The following PCDHGB2 variants were observed in gnomAD, a reference collection of about 807,000 sequenced individuals.
PCDHGB2 encodes the protein protocadherin gamma-B2.
PCDHGB2 carries 55 observed loss-of-function variants against 59.3 expected under a neutral mutation model. The observed-to-expected ratio is 0.93, with a 90% CI of 0.75 to 1.16. The LOEUF (loss-of-function observed/expected upper bound fraction) is 1.16. PCDHGB2 is among the 50% of genes most tolerant of loss of function. The probability of loss-of-function intolerance (pLI) is 0.00; values close to 1 mark genes in which losing one functional copy is unlikely to be tolerated. For missense variants in PCDHGB2, 1,228 were observed against 1,198.5 expected (o/e 1.02, Z -0.36); for synonymous variants, 516 against 512.0 (o/e 1.01, Z -0.11).
rs1427052612 is a variant in PCDHGB2 at position 141,493,002 on chromosome 5, A to G, written c.2422-1805A>G. Among the ~76,000 whole-genome samples, 4 of 152,246 alleles carry G rather than the reference A, an allele frequency of 2.6e-5. No individual in the cohort carries two copies. The highest frequency in any genetic ancestry group is 2.1e-4 in the South Asian group (1 of 4,832). On this transcript the variant is annotated intron_variant, in intron 1 of 3. Transcript: ENST00000522605. This position sits in a 1 kb window ranked among gnomAD's most constrained non-coding sequence, Gnocchi z 4.3. ...TCTCCTCTGGCAGATGGAAAGCTAT[A>G]GGCTCTGCCAGATGCCAGGGTGCCC... is the stretch of plus-strand genomic sequence containing the variant.
chr5:141,482,429 A>G (rs955366858), intron 1 of PCDHGB2, among the ~76,000 whole-genome samples: 1 of 151,366 alleles, frequency 6.6e-6, no homozygotes, highest in African/African-American at 2.4e-5. Flanking sequence ...AAAAATGATA[A>G]TACTGATATT....
intron 1 of PCDHGB2, chr5:141,441,743 C>G (rs1298220876): frequency 2.7e-6 from 1 of 367,284 alleles, no homozygotes; most frequent in Non-Finnish European, 5.4e-6. Flanking sequence ...AGCTCGCGCT[C>G]GGCGTCAACG....
chr5:141,494,194 G>A (rs1446357035), intron 1 of PCDHGB2, among the ~76,000 whole-genome samples: 2 of 152,182 alleles, frequency 1.3e-5, no homozygotes, highest in Non-Finnish European at 2.9e-5. Flanking sequence ...GGACTTGGAT[G>A]CCCCGCAAAG....
chr5:141,423,323 C>A (rs200492485), intron 1 of PCDHGB2: 91 of 1,614,146 alleles, frequency 5.6e-5, no homozygotes, highest in Non-Finnish European at 4.2e-6. Flanking sequence ...GTGGCGGTGG[C>A]CGCAGTCTCC....
chr5:141,441,179 C>G (rs150511376), intron 1 of PCDHGB2: 13 of 152,210 alleles, frequency 8.5e-5, no homozygotes, highest in South Asian at 2.1e-4. Context: ...ACTTCTAATT[C>G]CACAATGATT....
At chr5:141,385,880 A>G (rs192436155) in intron 1 of PCDHGB2, 3 of 153,092 alleles carry the variant, frequency 2.0e-5, no homozygotes, top group Admixed American at 1.9e-4. Context: ...ATTTATGCCT[A>G]AAGAATGAAA....
chr5:141,429,697 C>T (rs2097236349), intron 1 of PCDHGB2, among the ~76,000 whole-genome samples: 1 of 152,134 alleles, frequency 6.6e-6, no homozygotes, highest in African/African-American at 2.4e-5. Context: ...AATATCTTTA[C>T]AGTATAAATA....
In PCDHGB2 at chr5:141,477,963, A is replaced by C; in HGVS notation, c.2422-16844A>C. ...TACAGTCTCTTGGGATCCCCTAACC[A>C]GAGCCTTTTTGCCATAGGGCTGCAC... On this transcript the variant is annotated intron_variant, in intron 1 of 3. Coordinates refer to ENST00000522605, the MANE Select transcript of PCDHGB2 (RefSeq NM_018923.3). The surrounding 1 kb of genome is among the most constrained non-coding windows in gnomAD (Gnocchi z 4.9). The C allele has an allele frequency of 1.2e-6, 2 of 1,614,118 alleles. No individual in the cohort carries two copies. The highest frequency in any genetic ancestry group is 1.7e-6 in the Non-Finnish European group (2 of 1,180,024).
chr5:141,412,000 C>G (rs936679371), intron 1 of PCDHGB2: 4 of 151,788 alleles, frequency 2.6e-5, no homozygotes, highest in East Asian at 1.9e-4. Flanking sequence ...GGCATAGTGA[C>G]ATAAACACTT....
At chr5:141,454,034 G>A (rs530844564) in intron 1 of PCDHGB2, among the ~76,000 whole-genome samples, 10 of 152,270 alleles carry the variant, frequency 6.6e-5, no homozygotes, top group African/African-American at 2.4e-4. Context: ...GAATTGGCCA[G>A]CAAAGATAAA....
Position 141,422,522 on chromosome 5 carries a change from C to T in PCDHGB2, c.2421+59966C>T, listed in dbSNP as rs767482856. On this transcript the variant is annotated intron_variant, in intron 1 of 3. Coordinates refer to ENST00000522605, the MANE Select transcript of PCDHGB2 (RefSeq NM_018923.3). Reference sequence around the variant, plus strand: ...ACAGCCACAGACCAGGGAAGCCCGCCTTTGTCTGCAGAAACTCATGTCTGG... The same window carrying T: ...ACAGCCACAGACCAGGGAAGCCCGCTTTTGTCTGCAGAAACTCATGTCTGG... 11 of 1,614,014 alleles carry T rather than the reference C, an allele frequency of 6.8e-6. No homozygotes were observed. In the South Asian group the frequency reaches 1.1e-4, roughly 16 times the overall value.
chr5:141,420,826 C>G (rs1246534925), intron 1 of PCDHGB2, among the ~76,000 whole-genome samples: 1 of 152,216 alleles, frequency 6.6e-6, no homozygotes, highest in Non-Finnish European at 1.5e-5. Flanking sequence ...AATAATTACT[C>G]CTTTCGCAGG....
At chr5:141,363,378 T>C (rs1334101869) in intron 1 of PCDHGB2, among the ~76,000 whole-genome samples, 2 of 152,250 alleles carry the variant, frequency 1.3e-5, no homozygotes, top group Admixed American at 6.5e-5. Context: ...AAGAGGTTTT[T>C]CTATTTCTGT....
intron 1 of PCDHGB2, among the ~76,000 whole-genome samples, chr5:141,451,542 G>A (rs1023356681): frequency 3.3e-5 from 5 of 152,148 alleles, no homozygotes; most frequent in Non-Finnish European, 7.3e-5. Context: ...GCCAGAGAGG[G>A]CAAATGTGAT....
Position 141,491,057 on chromosome 5 carries a change from CCTA to C in PCDHGB2, c.2422-3747_2422-3745del. On this transcript the variant is annotated intron_variant, in intron 1 of 3. Coordinates refer to ENST00000522605, the MANE Select transcript of PCDHGB2 (RefSeq NM_018923.3). The surrounding 1 kb of genome is among the most constrained non-coding windows in gnomAD (Gnocchi z 6.9). ...GATGCAGGCCACAATGCGTGGCTCTCCTACTCACTGTTGCCACAGTCCACAGCC... is the reference window on the plus strand; with the variant it reads ...GATGCAGGCCACAATGCGTGGCTCTCCTCACTGTTGCCACAGTCCACAGCC... 6.2e-7 allele frequency: 1 copy of C among 1,614,208 alleles called. No homozygotes were observed. The highest frequency in any genetic ancestry group is 8.5e-7 in the Non-Finnish European group (1 of 1,180,022).
intron 1 of PCDHGB2, chr5:141,384,536 T>A (rs751421323): frequency 2.5e-6 from 4 of 1,614,086 alleles, no homozygotes; most frequent in Admixed American, 1.7e-5. Flanking sequence ...AGCAGCAACA[T>A]GTCACTGAGC....
rs2099745664 is a variant in PCDHGB2 at position 141,493,015 on chromosome 5, T to A, written c.2422-1792T>A. Among the ~76,000 whole-genome samples, 1 of 152,238 alleles carries A rather than the reference T, an allele frequency of 6.6e-6. No homozygotes were observed. The highest frequency in any genetic ancestry group is 1.5e-5 in the Non-Finnish European group (1 of 68,040). ...ATGGAAAGCTATAGGCTCTGCCAGA[T>A]GCCAGGGTGCCCTTATGTGTGAGGA... On this transcript the variant is annotated intron_variant, in intron 1 of 3. Transcript: ENST00000522605. The surrounding 1 kb of genome is among the most constrained non-coding windows in gnomAD (Gnocchi z 4.3).
At chr5:141,500,369 C>T (rs1034629981) in intron 2 of PCDHGB2, among the ~76,000 whole-genome samples, 4 of 151,866 alleles carry the variant, frequency 2.6e-5, no homozygotes, top group Admixed American at 6.6e-5. Flanking sequence ...CTACCACGCC[C>T]GGCTAATTAT....
At chr5:141,501,606 G>A (rs2099810134) in intron 2 of PCDHGB2, among the ~76,000 whole-genome samples, 1 of 152,012 alleles carries the variant, frequency 6.6e-6, no homozygotes, top group African/African-American at 2.4e-5. Flanking sequence ...AGTTCCAGCT[G>A]TGTGACTCTG....
Sources: gnomAD v4.1 joint callset for allele counts (sites outside exome capture counted in the v4.1 genomes callset) on GRCh38, gnomAD v4.1.1 for gene constraint, Gnocchi (gnomAD v3.1) non-coding constraint, MANE v1.5 for transcripts, NCBI Gene and HGNC (gene_info 2026-07-23, HGNC 2026-07-21) for gene names.